Variants in GRM1 observed in about 807,000 individuals in gnomAD.
GRM1 encodes metabotropic glutamate receptor 1.
GRM1 carries 33 observed loss-of-function variants against 90.9 expected under a neutral mutation model. That is an observed-to-expected ratio of 0.36 (90% CI 0.28 to 0.49). The LOEUF (loss-of-function observed/expected upper bound fraction) is 0.49, where lower values mean the gene tolerates loss of function less well. Ranked by LOEUF, GRM1 falls within the 20% of genes least tolerant of loss-of-function variation. The pLI, the probability that GRM1 is intolerant of heterozygous loss-of-function variation, is 0.99. For missense variants in GRM1, 1,190 were observed against 1,534.3 expected (o/e 0.78, Z 3.75); for synonymous variants, 700 against 613.2 (o/e 1.14, Z -2.09).
chr6:146,176,961 C>A (rs1452876722), intron 2 of GRM1, among the ~76,000 whole-genome samples: 5 of 152,070 alleles, frequency 3.3e-5, no homozygotes, highest in African/African-American at 1.2e-4. Flanking sequence ...GCTATTGCGA[C>A]CTTTATGAAG....
intron 5 of GRM1, among the ~76,000 whole-genome samples, chr6:146,363,471 A>G (rs796610341): frequency 1.2e-4 from 19 of 152,340 alleles, no homozygotes; most frequent in African/African-American, 4.3e-4. Flanking sequence ...TCTTGACCAC[A>G]ATAGTCAAGC....
At chr6:146,106,481 CT>C (rs1775303265) in intron 1 of GRM1, among the ~76,000 whole-genome samples, 1 of 152,192 alleles carries the variant, frequency 6.6e-6, no homozygotes, top group Non-Finnish European at 1.5e-5. Context: ...ACAGTTGCCC[CT>C]ATGCTTATAG....
chr6:146,038,136 G>GAC (rs1269379263), intron 1 of GRM1, among the ~76,000 whole-genome samples: 1 of 151,834 alleles, frequency 6.6e-6, no homozygotes, highest in African/African-American at 2.4e-5. Context: ...TGTAAAATAA[G>GAC]ACCAGAATTA....
chr6:146,071,213 G>A (rs1776007392), intron 1 of GRM1, among the ~76,000 whole-genome samples: 1 of 152,122 alleles, frequency 6.6e-6, no homozygotes, highest in South Asian at 2.1e-4. Context: ...CTCTTTAAAA[G>A]GAAACCTTCT....
intron 1 of GRM1, among the ~76,000 whole-genome samples, chr6:146,092,843 G>A (rs1776757883): frequency 6.6e-6 from 1 of 152,104 alleles, no homozygotes; most frequent in African/African-American, 2.4e-5. Context: ...ATGAAAGTTA[G>A]GATCTTATTG....
At chr6:146,133,612 T>C (rs577060978) in intron 1 of GRM1, among the ~76,000 whole-genome samples, 77 of 152,318 alleles carry the variant, frequency 5.1e-4, no homozygotes, top group Non-Finnish European at 8.1e-4. Flanking sequence ...AAATGTGCTG[T>C]GAAGATTTTA....
intron 2 of GRM1, among the ~76,000 whole-genome samples, chr6:146,217,386 G>A (rs1285291805): frequency 6.6e-6 from 1 of 152,158 alleles, no homozygotes; most frequent in African/African-American, 2.4e-5. Flanking sequence ...CTTCTCGACT[G>A]ATAACATTGT....
At chr6:146,234,563 A>G (rs918552328) in intron 2 of GRM1, among the ~76,000 whole-genome samples, 1 of 151,910 alleles carries the variant, frequency 6.6e-6, no homozygotes, top group Non-Finnish European at 1.5e-5. Flanking sequence ...ATACTACTTC[A>G]TATTCAGTGT....
At chr6:146,285,721 C>T (rs952618375) in intron 2 of GRM1, among the ~76,000 whole-genome samples, 3 of 152,096 alleles carry the variant, frequency 2.0e-5, no homozygotes, top group East Asian at 1.9e-4. Flanking sequence ...TGATACAGTA[C>T]ATGTAAATCA....
At chr6:146,218,008 A>G (rs1183456190) in intron 2 of GRM1, among the ~76,000 whole-genome samples, 5 of 152,100 alleles carry the variant, frequency 3.3e-5, no homozygotes, top group Non-Finnish European at 7.3e-5. Context: ...TATCCTAATA[A>G]CTCTGTGATT....
intron 1 of GRM1, among the ~76,000 whole-genome samples, chr6:146,127,903 G>C (rs948576636): frequency 6.6e-6 from 1 of 152,156 alleles, no homozygotes; most frequent in African/African-American, 2.4e-5. Context: ...TTGTCTCTGT[G>C]CTACTGAGAG....
At chr6:146,382,994 G>A (rs1342830428) in intron 5 of GRM1, among the ~76,000 whole-genome samples, 1 of 152,092 alleles carries the variant, frequency 6.6e-6, no homozygotes, top group East Asian at 1.9e-4. Context: ...ATGATACTAT[G>A]GGGAGGGAGC....
chr6:146,132,535 G>A (rs949571787), intron 1 of GRM1, among the ~76,000 whole-genome samples: 7 of 152,094 alleles, frequency 4.6e-5, no homozygotes, highest in African/African-American at 1.7e-4. Context: ...GTGGGTGTGG[G>A]TGTATTTGGA....
At chr6:146,246,086 T>A (rs1482606698) in intron 2 of GRM1, among the ~76,000 whole-genome samples, 1 of 152,170 alleles carries the variant, frequency 6.6e-6, no homozygotes, top group Non-Finnish European at 1.5e-5. Flanking sequence ...CAACAACAAA[T>A]GAACAGGGCT....
intron 2 of GRM1, among the ~76,000 whole-genome samples, chr6:146,238,514 A>T (rs1273972521): frequency 2.0e-5 from 3 of 152,058 alleles, no homozygotes; most frequent in Non-Finnish European, 2.9e-5. Flanking sequence ...TATCTAAAAA[A>T]TTTTTTTAGA....
intron 5 of GRM1, among the ~76,000 whole-genome samples, chr6:146,373,378 C>T: frequency 6.6e-6 from 1 of 152,050 alleles, no homozygotes. Context: ...AGCAGGCGCA[C>T]CTGAACATGG....
intron 1 of GRM1, among the ~76,000 whole-genome samples, chr6:146,098,857 C>T (rs1776956764): frequency 6.6e-6 from 1 of 152,012 alleles, no homozygotes; most frequent in African/African-American, 2.4e-5. Context: ...TGTTTGTTTC[C>T]CCTCCTGCCA....
chr6:146,029,398 G>T lies in GRM1; in HGVS notation c.-120G>T. ...GCAAAGGCCTTGGACGACCATTGTT[G>T]GCGAGGGGCACCACTCCGGGAGAGG... On this transcript the variant is annotated 5_prime_UTR_variant, in exon 1 of 8. Coordinates refer to ENST00000282753, the MANE Select transcript of GRM1 (RefSeq NM_001278064.2). The T allele has an allele frequency of 1.2e-6, 1 of 820,934 alleles. No individual in the cohort carries two copies. Among genetic ancestry groups the T allele is most frequent in the East Asian group, 2.4e-5 (1 of 41,310 alleles). 50.9% of individuals were successfully genotyped at this position (820,934 alleles called of 1,614,324 possible).
At chr6:146,063,064 A>G (rs1338939562) in intron 1 of GRM1, among the ~76,000 whole-genome samples, 3 of 152,176 alleles carry the variant, frequency 2.0e-5, no homozygotes, top group Admixed American at 6.5e-5. Flanking sequence ...AAAGCAACCA[A>G]CAGTCACCTT....
Sources: allele counts gnomAD v4.1 joint callset (sites outside exome capture counted in the v4.1 genomes callset), GRCh38; gene constraint gnomAD v4.1.1; transcripts MANE v1.5; gene names NCBI Gene and HGNC (gene_info 2026-07-23, HGNC 2026-07-21).